SNAI3: variants seen among roughly 807,000 people sequenced by gnomAD.
SNAI3 encodes zinc finger protein SNAI3.
A neutral mutation model predicts 16.4 loss-of-function variants in SNAI3; 21 were observed. The observed-to-expected ratio is 1.28, with a 90% CI of 0.91 to 1.85. SNAI3 has a LOEUF of 1.85. SNAI3 is among the 40% of genes most tolerant of loss of function. SNAI3 has a pLI of 0.00. For missense variants in SNAI3, 457 were observed against 372.8 expected (o/e 1.23, Z -1.86); for synonymous variants, 202 against 166.6 (o/e 1.21, Z -1.64).
intron 1 of SNAI3, among the ~76,000 whole-genome samples, chr16:88,683,082 C>A (rs557647248): frequency 2.0e-4 from 26 of 132,002 alleles, no homozygotes; most frequent in Admixed American, 4.1e-4. Context: ...TGGCCCCCCA[C>A]CCTTTTTTTT....
chr16:88,681,059 C>G lies in SNAI3; in HGVS notation c.697+35G>C. On this transcript the variant is annotated intron_variant, in intron 2 of 2. Coordinates refer to ENST00000332281, the MANE Select transcript of SNAI3 (RefSeq NM_178310.4). The surrounding 1 kb of genome is among the most constrained non-coding windows in gnomAD (Gnocchi z 5.4). Reference sequence around the variant, plus strand: ...CCGCAGCCCACCCTCTTCCCCCAGCCCAGACCGTCCTTGCAGACCTTCACC... The same window carrying G: ...CCGCAGCCCACCCTCTTCCCCCAGCGCAGACCGTCCTTGCAGACCTTCACC... 4 of 1,586,110 alleles carry G rather than the reference C, an allele frequency of 2.5e-6. No individual in the cohort carries two copies. Among genetic ancestry groups the G allele is most frequent in the East Asian group, 2.3e-5 (1 of 44,208 alleles).
chr16:88,684,663 C>G (rs1567628184), intron 1 of SNAI3, among the ~76,000 whole-genome samples: 2 of 152,120 alleles, frequency 1.3e-5, no homozygotes. Flanking sequence ...ACCGGGGTAA[C>G]TTCTGTATTT....
intron 2 of SNAI3, among the ~76,000 whole-genome samples, chr16:88,679,461 G>T (rs1053792810): frequency 1.3e-5 from 2 of 152,232 alleles, no homozygotes; most frequent in African/African-American, 4.8e-5. Context: ...CCTCCAGTTA[G>T]AAAAAGTATG....
chr16:88,680,049 C>G (rs1909110570), intron 2 of SNAI3, among the ~76,000 whole-genome samples: 2 of 150,034 alleles, frequency 1.3e-5, no homozygotes, highest in Non-Finnish European at 2.9e-5. Flanking sequence ...CCACTGCACT[C>G]CAGCCTGAGC....
chr16:88,679,737 G>A (rs377550069), intron 2 of SNAI3, among the ~76,000 whole-genome samples: 12 of 135,482 alleles, frequency 8.9e-5, no homozygotes, highest in African/African-American at 3.3e-4. Context: ...GGTCCGGCCT[G>A]GGCAAAAGAG....
chr16:88,679,004 G>C (rs1038145246), intron 2 of SNAI3: 1 of 985,320 alleles, frequency 1.0e-6, no homozygotes, highest in Non-Finnish European at 1.2e-6. Flanking sequence ...ACCTTGAGGA[G>C]GCAGAATTTA....
intron 2 of SNAI3, chr16:88,679,132 A>G: frequency 4.1e-6 from 4 of 980,168 alleles, no homozygotes; most frequent in African/African-American, 1.7e-5. Context: ...GTAGCCCCAT[A>G]GAGTCCTGAG....
rs762818249 is a variant in SNAI3 at position 88,681,674 on chromosome 16, C to A, written c.117G>T (p.Val39=). ...GACSACGGLV[V]PLLPRDKEAP... ...CCTCCTTGTCTCGGGGGAGGAGGGG[C>A]ACCACCAGCCCCCCACAGGCAGAGC... The change falls in exon 2 of 3, where the codon GTG becomes GTT. Residue 39 remains valine, a synonymous_variant. Coordinates refer to ENST00000332281, the MANE Select transcript of SNAI3 (RefSeq NM_178310.4). The surrounding 1 kb of genome is among the most constrained non-coding windows in gnomAD (Gnocchi z 5.4). 2 of 1,472,286 alleles carry A rather than the reference C, an allele frequency of 1.4e-6. No homozygotes were observed. The highest frequency in any genetic ancestry group is 1.5e-5 in the South Asian group (1 of 66,470). The allele number at this position is 1,472,286 out of a possible 1,614,324, so 91.2% of individuals were successfully genotyped here.
In SNAI3 at chr16:88,681,082, AC is replaced by A. The variant is rs777208218; in HGVS notation, c.697+11del. The A allele has an allele frequency of 1.2e-6, 2 of 1,600,028 alleles. No homozygotes were observed. Among genetic ancestry groups the A allele is most frequent in the East Asian group, 4.5e-5 (2 of 44,512 alleles). ...GCCCAGACCGTCCTTGCAGACCTTC[AC>A]CCTGTCCTACCTGTGTGGGTGCGGA... On this transcript the variant is annotated intron_variant, in intron 2 of 2. Coordinates refer to ENST00000332281, the MANE Select transcript of SNAI3 (RefSeq NM_178310.4). This position sits in a 1 kb window ranked among gnomAD's most constrained non-coding sequence, Gnocchi z 5.4.
intron 2 of SNAI3, 149 bp from the exon 3 acceptor site, chr16:88,678,778 G>A: frequency 7.0e-7 from 1 of 1,430,622 alleles, no homozygotes; most frequent in Non-Finnish European, 9.1e-7. Flanking sequence ...GGGACGGGGT[G>A]GCACGCCACA....
Position 88,686,414 on chromosome 16 carries a change from T to C in SNAI3, c.-8A>G, listed in dbSNP as rs746619212. 9 of 1,601,974 alleles carry C rather than the reference T, an allele frequency of 5.6e-6. No homozygotes were observed. The South Asian group carries it at 9.9e-5, about 18-fold the overall frequency. On this transcript the variant is annotated 5_prime_UTR_variant, in exon 1 of 3. Transcript: ENST00000332281. The stretch of plus-strand genomic sequence containing the variant: ...CAGGAAGGAGCGCGGCATGTTCCCC[T>C]CCCGGGCGGCAGGCCGGGGTGGGCT...
chr16:88,679,775 A>AAAAGAAAG (rs1555545690), intron 2 of SNAI3, among the ~76,000 whole-genome samples: 33 of 106,596 alleles, frequency 3.1e-4, no homozygotes, highest in Non-Finnish European at 4.6e-4. Context: ...AAAAAAAAAA[A>AAAAGAAAG]AAAAAAAGAA....
chr16:88,686,493 G>T lies in SNAI3; in HGVS notation c.-87C>A. On this transcript the variant is annotated 5_prime_UTR_variant, in exon 1 of 3. Coordinates refer to ENST00000332281, the MANE Select transcript of SNAI3 (RefSeq NM_178310.4). Reference sequence around the variant, plus strand: ...ACTGCTGCGTCCGCCGGCGCTTGAAGGGGTCAGGCTCATTAGCATAGCGCG... The same window carrying T: ...ACTGCTGCGTCCGCCGGCGCTTGAATGGGTCAGGCTCATTAGCATAGCGCG... 6.4e-7 allele frequency: 1 copy of T among 1,552,516 alleles called. No individual in the cohort carries two copies. The highest frequency in any genetic ancestry group is 2.4e-5 in the East Asian group (1 of 42,154).
intron 1 of SNAI3, 75 bp downstream of exon 1, chr16:88,686,256 C>G: frequency 1.3e-6 from 2 of 1,533,516 alleles, no homozygotes; most frequent in Non-Finnish European, 1.8e-6. Context: ...AGCCCCCGCT[C>G]CCAGGGGCCT....
In SNAI3 at chr16:88,681,111, T is replaced by A; in HGVS notation, c.680A>T (p.His227Leu). Residue 227 changes from histidine to leucine, a missense_variant, in exon 2 of 3, where the codon CAT (histidine) becomes CTT (leucine). His to Leu is a moderately conservative substitution (Grantham distance 99). Transcript: ENST00000332281. The surrounding 1 kb of genome is among the most constrained non-coding windows in gnomAD (Gnocchi z 5.4). ...TGTCCTACCTGTGTGGGTGCGGACA[T>A]GGCCCTGCAGTAACCAGGGCCTGGA... ...AFSRPWLLQG[H>L]VRTHTGEKPY... 1 of 1,611,716 alleles carries A rather than the reference T, an allele frequency of 6.2e-7. No homozygotes were observed. The highest frequency in any genetic ancestry group is 1.1e-5 in the South Asian group (1 of 91,052).
Position 88,678,352 on chromosome 16 carries a change from C to T in SNAI3, c.*96G>A, listed in dbSNP as rs1909042136. On this transcript the variant is annotated 3_prime_UTR_variant, in exon 3 of 3. Transcript: ENST00000332281. ...GGACGCACCAAGTGTGAGGCCAGGC[C>T]CCGCCCTCCCAGACTCCTGGCTCCT... The T allele has an allele frequency of 4.9e-6, 3 of 617,932 alleles. No individual in the cohort carries two copies. The East Asian group carries it at 8.2e-5, about 17-fold the overall frequency. The allele number at this position is 617,932 out of a possible 1,614,324, so 38.3% of individuals were successfully genotyped here. A position where few individuals can be genotyped will look rare whatever the true frequency, so the allele number is the denominator to read the frequency against.
intron 1 of SNAI3, among the ~76,000 whole-genome samples, chr16:88,683,553 C>CTTTTTTT (rs35529850): frequency 2.7e-5 from 3 of 112,390 alleles, no homozygotes; most frequent in Non-Finnish European, 5.2e-5. Context: ...TGCGCCTGGC[C>CTTTTTTT]TTTTTTTTTT....
chr16:88,686,189 A>G, intron 1 of SNAI3, 142 bp downstream of exon 1: 1 of 1,114,058 alleles, frequency 9.0e-7, no homozygotes, highest in Non-Finnish European at 1.2e-6. Flanking sequence ...CTGCAGCCGC[A>G]GCCGCTGCGC....
At chr16:88,679,001 G>A (rs1909071509) in intron 2 of SNAI3, 1 of 985,342 alleles carries the variant, frequency 1.0e-6, no homozygotes, top group Non-Finnish European at 1.2e-6. Context: ...TGGACCTTGA[G>A]GAGGCAGAAT....
Sources: allele counts gnomAD v4.1 joint callset (sites outside exome capture counted in the v4.1 genomes callset), GRCh38; gene constraint gnomAD v4.1.1; non-coding constraint Gnocchi (gnomAD v3.1); transcripts MANE v1.5; gene names NCBI Gene and HGNC (gene_info 2026-07-23, HGNC 2026-07-21).